The following SH3GL3 variants were observed in gnomAD, a reference collection of about 807,000 sequenced individuals.
SH3GL3 encodes SH3 domain containing GRB2 like 3, endophilin A3.
A neutral mutation model predicts 47.7 loss-of-function variants in SH3GL3; 33 were observed. The ratio of observed to expected loss-of-function variants is 0.69; its 90% CI spans 0.52 to 0.92. SH3GL3 has a LOEUF of 0.92. SH3GL3 is among the 40% of genes least tolerant of loss of function. The probability of loss-of-function intolerance (pLI) is 0.00; values close to 1 mark genes in which losing one functional copy is unlikely to be tolerated. For missense variants in SH3GL3, 363 were observed against 417.8 expected (o/e 0.87, Z 1.14); for synonymous variants, 155 against 148.8 (o/e 1.04, Z -0.30).
intron 6 of SH3GL3, among the ~76,000 whole-genome samples, chr15:83,579,066 TCA>T (rs1023819573): frequency 6.6e-6 from 1 of 152,200 alleles, no homozygotes; most frequent in Non-Finnish European, 1.5e-5. Context: ...CCAAGAGACC[TCA>T]GTTTTCCCCC....
At chr15:83,597,089 T>C (rs1477450432) in intron 8 of SH3GL3, among the ~76,000 whole-genome samples, 17 of 152,190 alleles carry the variant, frequency 1.1e-4, no homozygotes, top group Admixed American at 1.0e-3. Context: ...ATGATCTATT[T>C]TATAGTTCTG....
intron 1 of SH3GL3, among the ~76,000 whole-genome samples, chr15:83,499,136 G>A (rs1023387448): frequency 6.6e-6 from 1 of 151,956 alleles, no homozygotes; most frequent in African/African-American, 2.4e-5. Context: ...TTCTTACAGC[G>A]TTTTATACAT....
At chr15:83,521,393 G>A (rs1182539868) in intron 1 of SH3GL3, among the ~76,000 whole-genome samples, 1 of 152,168 alleles carries the variant, frequency 6.6e-6, no homozygotes, top group Non-Finnish European at 1.5e-5. Context: ...CAAAAGGGAA[G>A]AGGTGGCAAT....
intron 1 of SH3GL3, among the ~76,000 whole-genome samples, chr15:83,544,427 A>T (rs2044309780): frequency 6.6e-6 from 1 of 152,102 alleles, no homozygotes; most frequent in South Asian, 2.1e-4. Flanking sequence ...TGTATTCTGC[A>T]GCTGTTGGAT....
At chr15:83,511,023 A>G (rs964684055) in intron 1 of SH3GL3, among the ~76,000 whole-genome samples, 7 of 152,164 alleles carry the variant, frequency 4.6e-5, no homozygotes, top group African/African-American at 1.4e-4. Context: ...GGATAGCATT[A>G]GGAGATATAC....
chr15:83,496,458 C>A lies in SH3GL3; in HGVS notation c.45+48880C>A, dbSNP rs556458783. ...CAATTGATTTAATCCTTGTGATAAC[C>A]ATTTGGAGTAGACATTAGCCTCATT... On this transcript the variant is annotated intron_variant, in intron 1 of 8. Coordinates refer to ENST00000427482, the MANE Select transcript of SH3GL3 (RefSeq NM_003027.5). Among the ~76,000 whole-genome samples the A allele has an allele frequency of 3.9e-5, 6 of 152,030 alleles. No homozygotes were observed. In the South Asian group the frequency reaches 1.2e-3, roughly 32 times the overall value.
chr15:83,625,655 G>GC, the SH3GL3 span, among the ~76,000 whole-genome samples: 1 of 151,792 alleles, frequency 6.6e-6, no homozygotes, highest in Non-Finnish European at 1.5e-5. Context: ...TATTTTTATA[G>GC]CTTATCTACT....
intron 5 of SH3GL3, 71 bp downstream of exon 5, chr15:83,572,769 GT>G: frequency 8.8e-7 from 1 of 1,139,004 alleles, no homozygotes; most frequent in South Asian, 1.5e-5. Context: ...TCACTAGAAC[GT>G]TTCAGCAGAC....
At chr15:83,499,579 C>T (rs1345486586) in intron 1 of SH3GL3, among the ~76,000 whole-genome samples, 1 of 152,124 alleles carries the variant, frequency 6.6e-6, no homozygotes, top group Non-Finnish European at 1.5e-5. Flanking sequence ...AGATCCAAAT[C>T]TGATCAAAGA....
At chr15:83,572,442 C>A in intron 4 of SH3GL3, 123 bp from the exon 5 acceptor site, 1 of 740,286 alleles carries the variant, frequency 1.4e-6, no homozygotes, top group Non-Finnish European at 2.2e-6. Context: ...ATTCAGAGGT[C>A]CCGGAGCAAG....
chr15:83,530,831 T>C (rs1385783346), intron 1 of SH3GL3, among the ~76,000 whole-genome samples: 2 of 152,238 alleles, frequency 1.3e-5, no homozygotes, highest in Non-Finnish European at 2.9e-5. Flanking sequence ...AGCAATTGTA[T>C]GATGACAAAT....
intron 6 of SH3GL3, among the ~76,000 whole-genome samples, chr15:83,579,959 C>T (rs574813919): frequency 3.9e-5 from 6 of 152,240 alleles, no homozygotes; most frequent in Non-Finnish European, 8.8e-5. Flanking sequence ...ATGCCAATGC[C>T]GATACTGCCT....
chr15:83,461,446 G>T (rs1169906483), intron 1 of SH3GL3, among the ~76,000 whole-genome samples: 2 of 151,888 alleles, frequency 1.3e-5, no homozygotes, highest in African/African-American at 2.4e-5. Flanking sequence ...TTAAAATATT[G>T]CTAATTCTTT....
At chr15:83,576,540 T>C (rs1224492040) in intron 5 of SH3GL3, 43 bp from the exon 6 acceptor site, 1 of 1,534,738 alleles carries the variant, frequency 6.5e-7, no homozygotes, top group Non-Finnish European at 8.8e-7. Context: ...TGCCAGGTTT[T>C]GAATGTAGCA....
chr15:83,542,055 C>A (rs375019850), intron 1 of SH3GL3, among the ~76,000 whole-genome samples: 1 of 152,270 alleles, frequency 6.6e-6, no homozygotes, highest in East Asian at 1.9e-4. Flanking sequence ...AATCAGTGTC[C>A]TGGAGAGTTC....
intron 8 of SH3GL3, among the ~76,000 whole-genome samples, chr15:83,589,304 G>A (rs2060032492): frequency 6.6e-6 from 1 of 152,088 alleles, no homozygotes; most frequent in Admixed American, 6.5e-5. Context: ...AAAAAAATTT[G>A]GTATAACTAT....
chr15:83,623,734 T>C (rs1344778272), downstream of SH3GL3, among the ~76,000 whole-genome samples: 1 of 152,240 alleles, frequency 6.6e-6, no homozygotes, highest in Non-Finnish European at 1.5e-5. Context: ...CGCTCTGGCT[T>C]CCTCTTCCTT....
chr15:83,609,728 G>A (rs987514528), intron 8 of SH3GL3, among the ~76,000 whole-genome samples: 5 of 152,186 alleles, frequency 3.3e-5, no homozygotes, highest in African/African-American at 1.2e-4. Context: ...AAAGAGCTGT[G>A]AGTTTTAGTG....
intron 1 of SH3GL3, among the ~76,000 whole-genome samples, chr15:83,497,525 C>T (rs1309154379): frequency 6.6e-6 from 1 of 152,152 alleles, no homozygotes; most frequent in Non-Finnish European, 1.5e-5. Context: ...TATCTTTATT[C>T]CCACATTCAT....
Sources: allele counts gnomAD v4.1 joint callset (sites outside exome capture counted in the v4.1 genomes callset), GRCh38; gene constraint gnomAD v4.1.1; transcripts MANE v1.5; gene names NCBI Gene and HGNC (gene_info 2026-07-23, HGNC 2026-07-21).